The following LARGE1 variants were observed in gnomAD, a reference collection of about 807,000 sequenced individuals.
LARGE1 encodes LARGE xylosyl- and glucuronyltransferase 1.
LARGE1 carries 43 observed loss-of-function variants against 87.6 expected under a neutral mutation model. That is an observed-to-expected ratio of 0.49 (90% confidence interval 0.38 to 0.63). The LOEUF is 0.63. LARGE1 is among the 30% of genes least tolerant of loss of function. The pLI is 0.00. For missense variants in LARGE1, 802 were observed against 1,000.2 expected (o/e 0.80, Z 2.67); for synonymous variants, 434 against 394.6 (o/e 1.10, Z -1.18).
chr22:33,503,293 G>C (rs1476830155), intron 6 of LARGE1, among the ~76,000 whole-genome samples: 2 of 135,282 alleles, frequency 1.5e-5, no homozygotes, highest in Non-Finnish European at 3.1e-5. Context: ...GTCTTGCTCT[G>C]TTGCCCAGGT....
At chr22:33,906,214 C>T (rs752620287) in intron 1 of LARGE1, among the ~76,000 whole-genome samples, 67 of 152,110 alleles carry the variant, frequency 4.4e-4, no homozygotes, top group Middle Eastern at 3.4e-3. Context: ...TTGGGAGAAC[C>T]GTGGACCAGA....
intron 2 of LARGE1, among the ~76,000 whole-genome samples, chr22:33,675,035 G>A (rs1322032935): frequency 1.3e-5 from 2 of 151,840 alleles, no homozygotes; most frequent in African/African-American, 4.8e-5. Flanking sequence ...ACTCATGCCT[G>A]TAGTCCCAGC....
intron 2 of LARGE1, among the ~76,000 whole-genome samples, chr22:33,760,490 T>C (rs1366270216): frequency 6.6e-6 from 1 of 152,210 alleles, no homozygotes; most frequent in African/African-American, 2.4e-5. Context: ...CACAGCACCC[T>C]GCCTTCCTCC....
chr22:33,864,186 A>G (rs2064018681), intron 1 of LARGE1, among the ~76,000 whole-genome samples: 1 of 152,166 alleles, frequency 6.6e-6, no homozygotes, highest in South Asian at 2.1e-4. Context: ...ACCACTGATG[A>G]CCATTAAGGT....
At chr22:33,798,596 G>A (rs930028847) in intron 1 of LARGE1, among the ~76,000 whole-genome samples, 2 of 152,156 alleles carry the variant, frequency 1.3e-5, no homozygotes, top group Non-Finnish European at 2.9e-5. Context: ...CAACAGGAGT[G>A]TTCCACGCTG....
At chr22:33,318,391 G>C (rs1936388988) in intron 10 of LARGE1, among the ~76,000 whole-genome samples, 1 of 152,228 alleles carries the variant, frequency 6.6e-6, no homozygotes, top group African/African-American at 2.4e-5. Context: ...ATAGTTTGCT[G>C]AGAATGATGG....
At chr22:33,908,409 A>T (rs750461084) in intron 1 of LARGE1, among the ~76,000 whole-genome samples, 2 of 152,132 alleles carry the variant, frequency 1.3e-5, no homozygotes, top group Non-Finnish European at 2.9e-5. Context: ...GAAAAACACA[A>T]GTGTCCCAGG....
chr22:33,450,710 A>G (rs1373821801), intron 6 of LARGE1, among the ~76,000 whole-genome samples: 1 of 152,224 alleles, frequency 6.6e-6, no homozygotes, highest in Non-Finnish European at 1.5e-5. Flanking sequence ...CAATCTTTTC[A>G]TCGTATAACT....
At chr22:33,483,910 C>A (rs1205251372) in intron 6 of LARGE1, among the ~76,000 whole-genome samples, 1 of 152,144 alleles carries the variant, frequency 6.6e-6, no homozygotes, top group East Asian at 1.9e-4. Context: ...CATGGCCTGG[C>A]AGCAGAGGCG....
intron 11 of LARGE1, among the ~76,000 whole-genome samples, chr22:33,259,323 CACA>C (rs1927493823): frequency 4.5e-5 from 1 of 22,294 alleles, no homozygotes; most frequent in Non-Finnish European, 2.2e-4. Flanking sequence ...AAGGGCAACA[CACA>C]CACACACACA....
intron 6 of LARGE1, among the ~76,000 whole-genome samples, chr22:33,498,553 G>A (rs547595922): frequency 3.9e-5 from 6 of 152,278 alleles, no homozygotes; most frequent in Admixed American, 1.3e-4. Flanking sequence ...AAACACCTAA[G>A]GGTTGGCATA....
intron 11 of LARGE1, among the ~76,000 whole-genome samples, chr22:33,177,759 T>C (rs1446787902): frequency 6.6e-6 from 1 of 152,200 alleles, no homozygotes; most frequent in Non-Finnish European, 1.5e-5. Flanking sequence ...TCACCCCGTC[T>C]CACTTGATAT....
At chr22:33,340,790 GA>G (rs772694913) in intron 9 of LARGE1, among the ~76,000 whole-genome samples, 6 of 151,854 alleles carry the variant, frequency 4.0e-5, no homozygotes, top group Non-Finnish European at 5.9e-5. Context: ...TAAAGGGGAA[GA>G]AACAGTGAAG....
At chr22:33,724,361 A>T (rs754586045) in intron 2 of LARGE1, 1 of 152,538 alleles carries the variant, frequency 6.6e-6, no homozygotes, top group Admixed American at 6.5e-5. Context: ...CACAGGGACA[A>T]TGAAGGACTA....
the LARGE1 span, among the ~76,000 whole-genome samples, chr22:33,090,031 C>T: frequency 3.0e-3 from 449 of 151,856 alleles, 5 homozygotes; most frequent in Middle Eastern, 0.027. Flanking sequence ...GGTGGTGAAA[C>T]CCCATCTCTA....
Position 33,688,621 on chromosome 22 carries a change from G to A in LARGE1, c.107-37953C>T, listed in dbSNP as rs569797630. On this transcript the variant is annotated intron_variant, in intron 2 of 14. Coordinates refer to ENST00000397394, the MANE Select transcript of LARGE1 (RefSeq NM_133642.5). Reference sequence around the variant, plus strand: ...CTGCCTTGGCCTCCCAAAGTGCTGGGATTATAGGTGTGAGCCACCGCACCC... The same window carrying A: ...CTGCCTTGGCCTCCCAAAGTGCTGGAATTATAGGTGTGAGCCACCGCACCC... Among the ~76,000 whole-genome samples the A allele has an allele frequency of 4.6e-5, 7 of 152,148 alleles. No individual in the cohort carries two copies. The South Asian group carries it at 1.5e-3, about 32-fold the overall frequency.
chr22:33,549,701 T>C (rs75944047), intron 6 of LARGE1, among the ~76,000 whole-genome samples: 63 of 152,192 alleles, frequency 4.1e-4, no homozygotes, highest in Non-Finnish European at 7.4e-4. Flanking sequence ...AAATAGGAGT[T>C]TAAGAAAAGT....
intron 2 of LARGE1, among the ~76,000 whole-genome samples, chr22:33,750,211 A>T (rs1386087238): frequency 6.6e-6 from 1 of 152,218 alleles, no homozygotes; most frequent in Admixed American, 6.5e-5. Flanking sequence ...TCAACAAGGA[A>T]GGATGGAGAT....
chr22:33,253,782 G>C (rs749221922), intron 11 of LARGE1, among the ~76,000 whole-genome samples: 10 of 152,158 alleles, frequency 6.6e-5, no homozygotes, highest in Admixed American at 6.5e-5. Context: ...GGAGGGGAAG[G>C]CTGCCTCCTT....
Sources: allele counts gnomAD v4.1 joint callset (sites outside exome capture counted in the v4.1 genomes callset), GRCh38; gene constraint gnomAD v4.1.1; transcripts MANE v1.5; gene names NCBI Gene and HGNC (gene_info 2026-07-23, HGNC 2026-07-21).